Variants in FLRT2 observed in about 807,000 individuals in gnomAD.
FLRT2 encodes the protein leucine-rich repeat transmembrane protein FLRT2.
A neutral mutation model predicts 40.0 loss-of-function variants in FLRT2; 15 were observed. The ratio of observed to expected loss-of-function variants is 0.38; its 90% CI spans 0.25 to 0.58. The LOEUF is 0.58. FLRT2 is among the 20% of genes least tolerant of loss of function. The pLI, the probability that FLRT2 is intolerant of heterozygous loss-of-function variation, is 0.71. For missense variants in FLRT2, 726 were observed against 840.0 expected (o/e 0.86, Z 1.68); for synonymous variants, 380 against 336.8 (o/e 1.13, Z -1.41).
At chr14:85,611,505 A>T (rs748645863) in intron 1 of FLRT2, among the ~76,000 whole-genome samples, 1 of 152,196 alleles carries the variant, frequency 6.6e-6, no homozygotes, top group South Asian at 2.1e-4. Flanking sequence ...AAAGCACAAC[A>T]TGTGAAGTTG....
chr14:85,602,841 A>G (rs551025035), intron 1 of FLRT2, among the ~76,000 whole-genome samples: 1 of 152,286 alleles, frequency 6.6e-6, no homozygotes, highest in East Asian at 1.9e-4. Context: ...AAGAGGTATT[A>G]CATAGAAATC....
rs1894488198 is a variant in FLRT2, at chr14:85,653,853, C to T, written c.*30356C>T. ...AGAACTGAGCTGAGTAACAAACTTT[C>T]TAGAAATGAATGAAGAAAACATAGC... is the stretch of plus-strand genomic sequence containing the variant. On this transcript the variant is annotated 3_prime_UTR_variant, in exon 2 of 2. Coordinates refer to ENST00000330753, the MANE Select transcript of FLRT2 (RefSeq NM_013231.6). 6.6e-6 allele frequency: 1 copy of T among 152,114 alleles called. No individual in the cohort carries two copies. Among genetic ancestry groups the T allele is most frequent in the Non-Finnish European group, 1.5e-5 (1 of 68,006 alleles). The allele number at this position is 152,114 out of a possible 1,614,324, so 9.4% of individuals were successfully genotyped here.
Position 85,625,292 on chromosome 14 carries a change from A to G in FLRT2, c.*1795A>G, listed in dbSNP as rs1222973361. ...AGGGACCCATGAAGTAAATGTCACA[A>G]TCATCTTACTAGCTCTCTCTCTCTC... On this transcript the variant is annotated 3_prime_UTR_variant, in exon 2 of 2. Coordinates refer to ENST00000330753, the MANE Select transcript of FLRT2 (RefSeq NM_013231.6). 6.0e-6 allele frequency: 1 copy of G among 167,102 alleles called. No homozygotes were observed. The highest frequency in any genetic ancestry group is 2.4e-5 in the African/African-American group (1 of 41,468). 10.4% of individuals were successfully genotyped at this position (167,102 alleles called of 1,614,324 possible).
chr14:85,546,793 T>G (rs912105809), intron 1 of FLRT2, among the ~76,000 whole-genome samples: 1 of 152,200 alleles, frequency 6.6e-6, no homozygotes, highest in Non-Finnish European at 1.5e-5. Context: ...AGTGCTGAAC[T>G]CACTTGGGTT....
chr14:85,556,665 G>T (rs144944983), intron 1 of FLRT2, among the ~76,000 whole-genome samples: 1 of 152,290 alleles, frequency 6.6e-6, no homozygotes, highest in Non-Finnish European at 1.5e-5. Context: ...CTCATGTAGA[G>T]CCTGGAGATA....
chr14:85,621,611 C>G lies in FLRT2; in HGVS notation c.97C>G (p.Leu33Val). The G allele has an allele frequency of 6.2e-7, 1 of 1,614,158 alleles. No homozygotes were observed. The highest frequency in any genetic ancestry group is 1.1e-5 in the South Asian group (1 of 91,084). ...SLGLYSQVSK[L>V]LACPSVCRCD... ...GGGGCTCTACTCACAGGTGTCCAAA[C>G]TCCTGGCCTGCCCTAGTGTGTGCCG... The change falls in exon 2 of 2, where the codon CTC (leucine) becomes GTC (valine). Residue 33 changes from leucine (L) to valine (V), a missense_variant. Transcript: ENST00000330753.
intron 1 of FLRT2, among the ~76,000 whole-genome samples, chr14:85,558,244 G>C (rs11845681): frequency 6.6e-6 from 1 of 151,988 alleles, no homozygotes; most frequent in Non-Finnish European, 1.5e-5. Flanking sequence ...AGAGGCAAAG[G>C]GCTCTCATAT....
chr14:85,579,871 C>T (rs1419106723), intron 1 of FLRT2, among the ~76,000 whole-genome samples: 4 of 151,400 alleles, frequency 2.6e-5, no homozygotes, highest in African/African-American at 9.7e-5. Flanking sequence ...TGAATATATC[C>T]ACCAATACTC....
At chr14:85,550,243 A>G (rs1370454456) in intron 1 of FLRT2, among the ~76,000 whole-genome samples, 2 of 152,160 alleles carry the variant, frequency 1.3e-5, no homozygotes, top group African/African-American at 4.8e-5. Flanking sequence ...CCACATTCGT[A>G]ATATATTCTA....
At chr14:85,536,211 A>T (rs1015642408) in intron 1 of FLRT2, among the ~76,000 whole-genome samples, 2 of 151,982 alleles carry the variant, frequency 1.3e-5, no homozygotes, top group Admixed American at 6.6e-5. Context: ...TTGATTTAGG[A>T]TTTAGACAAC....
intron 1 of FLRT2, among the ~76,000 whole-genome samples, chr14:85,605,296 T>C (rs1892555864): frequency 6.6e-6 from 1 of 152,190 alleles, no homozygotes; most frequent in Non-Finnish European, 1.5e-5. Context: ...AGCTCTCTCC[T>C]GTGAATGGTG....
At chr14:85,578,958 A>G (rs1236214081) in intron 1 of FLRT2, among the ~76,000 whole-genome samples, 2 of 152,194 alleles carry the variant, frequency 1.3e-5, no homozygotes, top group Non-Finnish European at 2.9e-5. Context: ...CATCTCTCCC[A>G]GTTGGAGTCT....
intron 1 of FLRT2, among the ~76,000 whole-genome samples, chr14:85,534,928 T>C (rs1888555026): frequency 1.3e-5 from 2 of 151,534 alleles, no homozygotes. Context: ...TTTATTCGCC[T>C]GGAAACTCAT....
intron 1 of FLRT2, among the ~76,000 whole-genome samples, chr14:85,579,792 T>G (rs1484883093): frequency 6.6e-5 from 10 of 152,120 alleles, no homozygotes; most frequent in Non-Finnish European, 1.3e-4. Context: ...TAATAAGGGC[T>G]TACAGGGCAA....
chr14:85,564,022 A>G (rs1185599174), intron 1 of FLRT2, among the ~76,000 whole-genome samples: 5 of 152,308 alleles, frequency 3.3e-5, no homozygotes, highest in Non-Finnish European at 7.4e-5. Context: ...GTGGACAGCC[A>G]GAAGTCAGGG....
chr14:85,579,256 G>A (rs1891280017), intron 1 of FLRT2, among the ~76,000 whole-genome samples: 1 of 152,092 alleles, frequency 6.6e-6, no homozygotes, highest in Admixed American at 6.6e-5. Flanking sequence ...GGGATTATGG[G>A]TTTCTCCTTC....
Position 85,644,420 on chromosome 14 carries a change from A to G in FLRT2, c.*20923A>G, listed in dbSNP as rs1894241490. ...TTACTCTCAGGCCCTTGATTATCTT[A>G]TCATACCAGAGGATGTCCCACAGGT... On this transcript the variant is annotated 3_prime_UTR_variant, in exon 2 of 2. Transcript: ENST00000330753. 1.3e-5 allele frequency: 2 copies of G among 152,194 alleles called. No individual in the cohort carries two copies. The highest frequency in any genetic ancestry group is 1.3e-4 in the Admixed American group (2 of 15,276). 9.4% of individuals were successfully genotyped at this position (152,194 alleles called of 1,614,324 possible). A position where few individuals can be genotyped will look rare whatever the true frequency, so the allele number is the denominator to read the frequency against.
intron 1 of FLRT2, among the ~76,000 whole-genome samples, chr14:85,603,591 C>T (rs1011834867): frequency 6.6e-6 from 1 of 151,966 alleles, no homozygotes; most frequent in South Asian, 2.1e-4. Context: ...GGATTGAGAC[C>T]AGGCACGGTG....
At chr14:85,610,067 T>C (rs957358133) in intron 1 of FLRT2, among the ~76,000 whole-genome samples, 10 of 152,228 alleles carry the variant, frequency 6.6e-5, no homozygotes, top group African/African-American at 1.9e-4. Context: ...GTGCTCATGA[T>C]AGAAGTCAAG....
Sources: allele counts gnomAD v4.1 joint callset (sites outside exome capture counted in the v4.1 genomes callset), GRCh38; gene constraint gnomAD v4.1.1; transcripts MANE v1.5; gene names NCBI Gene and HGNC (gene_info 2026-07-23, HGNC 2026-07-21).